The following NID2 variants were observed in gnomAD, a reference collection of about 807,000 sequenced individuals.
NID2 encodes the protein nidogen-2.
In NID2, 83 loss-of-function variants were observed where a neutral mutation model predicts 145.4. The ratio of observed to expected loss-of-function variants is 0.57; its 90% CI spans 0.48 to 0.69. The LOEUF (loss-of-function observed/expected upper bound fraction) is 0.69, where lower values mean the gene tolerates loss of function less well. Ranked by LOEUF, NID2 falls within the 30% of genes least tolerant of loss-of-function variation. NID2 has a pLI of 0.00. For synonymous variants in NID2, 739 were observed against 701.3 expected (o/e 1.05, Z -0.85); for missense variants, 1,807 against 1,765.7 (o/e 1.02, Z -0.42).
chr14:52,049,104 T>C (rs1398798595), intron 5 of NID2, among the ~76,000 whole-genome samples: 2 of 152,234 alleles, frequency 1.3e-5, no homozygotes, highest in Non-Finnish European at 2.9e-5. Flanking sequence ...GAACTCATTT[T>C]GTCATGGATT....
intron 9 of NID2, among the ~76,000 whole-genome samples, chr14:52,030,462 A>ACCTTATCT (rs1342645573): frequency 4.6e-5 from 6 of 131,754 alleles, no homozygotes; most frequent in African/African-American, 1.7e-4. Context: ...ATATGCCAAG[A>ACCTTATCT]CCTTATCTCG....
chr14:52,065,441 A>C (rs1893158031), intron 2 of NID2, among the ~76,000 whole-genome samples: 1 of 148,112 alleles, frequency 6.8e-6, no homozygotes, highest in African/African-American at 2.5e-5. Context: ...CCCTATCCAA[A>C]CAGAATCCTC....
chr14:52,017,249 A>G (rs990838930), intron 14 of NID2, among the ~76,000 whole-genome samples: 3 of 152,188 alleles, frequency 2.0e-5, no homozygotes, highest in African/African-American at 7.2e-5. Context: ...TCACTCATAC[A>G]TGGGCATCCC....
At chr14:52,060,602 A>G (rs1892996463) in intron 2 of NID2, among the ~76,000 whole-genome samples, 1 of 152,342 alleles carries the variant, frequency 6.6e-6, no homozygotes, top group Non-Finnish European at 1.5e-5. Context: ...ATTTAGATTA[A>G]TAGTTGAAAT....
chr14:52,053,558 CCA>C lies in NID2; in HGVS notation c.1429+19_1429+20del. ...CATGGTTAAGATGAAACCTTAGCAC[CCA>C]GTTTTCTAATGCACTCACCCTCGGT... is the stretch of plus-strand genomic sequence containing the variant. On this transcript the variant is annotated intron_variant, in intron 5 of 21. Transcript: ENST00000216286. 6.3e-7 allele frequency: 1 copy of C among 1,596,212 alleles called. No individual in the cohort carries two copies. The highest frequency in any genetic ancestry group is 8.6e-7 in the Non-Finnish European group (1 of 1,169,486).
intron 16 of NID2, among the ~76,000 whole-genome samples, chr14:52,013,793 G>A (rs184454523): frequency 1.5e-3 from 232 of 152,266 alleles, no homozygotes; most frequent in African/African-American, 5.3e-3. Flanking sequence ...AAAGAAGTGG[G>A]TCAAAGGGAC....
At chr14:52,052,034 C>T (rs1892697425) in intron 5 of NID2, among the ~76,000 whole-genome samples, 1 of 152,096 alleles carries the variant, frequency 6.6e-6, no homozygotes, top group South Asian at 2.1e-4. Flanking sequence ...TTAATATTCC[C>T]ACGCTCTTCC....
In NID2 at chr14:52,010,860, G is replaced by C; in HGVS notation, c.3722+16C>G. 13 of 1,609,268 alleles carry C rather than the reference G, an allele frequency of 8.1e-6. 1 individual carries two copies. The highest frequency in any genetic ancestry group is 1.1e-5 in the Non-Finnish European group (13 of 1,177,318). ...GGATCTACAGGTAAGAGAAGAATTA[G>C]GGAAGCCCAGCTGACCCTCGGATTG... On this transcript the variant is annotated intron_variant, in intron 18 of 21. Transcript: ENST00000216286.
rs1892784878 is a variant in NID2, at chr14:52,054,472, T to TA, written c.768-152dup. The TA allele has an allele frequency of 4.0e-6, 3 of 755,142 alleles. No homozygotes were observed. The African/African-American group carries it at 5.3e-5, about 13-fold the overall frequency. 46.8% of individuals were successfully genotyped at this position (755,142 alleles called of 1,614,324 possible). On this transcript the variant is annotated intron_variant, in intron 3 of 21. Coordinates refer to ENST00000216286, the MANE Select transcript of NID2 (RefSeq NM_007361.4). ...ATCCCAGCACTTTGCAAGGCCAAAG[T>TA]AGGAGGATGACTTAAGCCCAGGAGT...
intron 15 of NID2, 119 bp downstream of exon 15, chr14:52,014,935 G>C (rs1267412254): frequency 1.9e-5 from 15 of 805,482 alleles, no homozygotes; most frequent in Non-Finnish European, 3.0e-5. Context: ...ATAGCACATA[G>C]TGACTTCTTT....
intron 5 of NID2, 144 bp downstream of exon 5, chr14:52,053,430 TATCTC>T: frequency 1.2e-6 from 1 of 854,630 alleles, no homozygotes; most frequent in Non-Finnish European, 1.8e-6. Flanking sequence ...AAATTTACTC[TATCTC>T]TTGAAACACA....
At chr14:52,039,092 C>CACA in intron 8 of NID2, 115 bp from the exon 9 acceptor site, 1 of 782,698 alleles carries the variant, frequency 1.3e-6, no homozygotes, top group Non-Finnish European at 2.0e-6. Context: ...CCCTTGGGAA[C>CACA]CTCCTGAGTT....
intron 12 of NID2, among the ~76,000 whole-genome samples, chr14:52,021,058 TA>T (rs1210808950): frequency 6.8e-6 from 1 of 147,108 alleles, no homozygotes; most frequent in Non-Finnish European, 1.5e-5. Context: ...TGGTTAAAAC[TA>T]ACGCCCAAGG....
At chr14:52,030,164 C>A (rs1196357017) in intron 9 of NID2, among the ~76,000 whole-genome samples, 1 of 152,146 alleles carries the variant, frequency 6.6e-6, no homozygotes, top group Non-Finnish European at 1.5e-5. Context: ...CTGTTGATCT[C>A]TTACTAAAAT....
At chr14:52,041,095 G>A (rs1566763036) in intron 7 of NID2, among the ~76,000 whole-genome samples, 1 of 152,096 alleles carries the variant, frequency 6.6e-6, no homozygotes, top group Non-Finnish European at 1.5e-5. Flanking sequence ...TGTATTCTGT[G>A]AGAAATACTC....
intron 5 of NID2, among the ~76,000 whole-genome samples, chr14:52,044,411 AG>A (rs55800488): frequency 0.52 from 78,063 of 151,174 alleles, 20,428 homozygotes; most frequent in South Asian, 0.58. Context: ...CTGGGACTAC[AG>A]GCACCCACCA....
At chr14:52,030,489 GAAAGAAAGAAAGAGAAAGAAAGAAAGAAA>G (rs1891768223) in intron 9 of NID2, among the ~76,000 whole-genome samples, 4 of 49,326 alleles carry the variant, frequency 8.1e-5, no homozygotes, top group Non-Finnish European at 1.5e-4. Context: ...AGAAAAGAAA[GAAAGAAAGAAAGAGAAAGAAAGAAAGAAA>G]AGAAAGAAAG....
intron 12 of NID2, among the ~76,000 whole-genome samples, chr14:52,022,625 A>G (rs1207755728): frequency 1.3e-5 from 2 of 152,178 alleles, no homozygotes; most frequent in African/African-American, 2.4e-5. Context: ...GAGCCCCTTT[A>G]TCACTCAGGT....
intron 5 of NID2, among the ~76,000 whole-genome samples, chr14:52,049,171 CTCT>C (rs1049865649): frequency 5.2e-5 from 5 of 96,064 alleles, no homozygotes; most frequent in African/African-American, 1.2e-4. Context: ...TTTTTTAAAT[CTCT>C]TTTTTTTCTA....
Sources: allele counts gnomAD v4.1 joint callset (sites outside exome capture counted in the v4.1 genomes callset), GRCh38; gene constraint gnomAD v4.1.1; transcripts MANE v1.5; gene names NCBI Gene and HGNC (gene_info 2026-07-23, HGNC 2026-07-21).